CD164: variants seen among roughly 807,000 people sequenced by gnomAD.
CD164 encodes the protein sialomucin core protein 24.
CD164 carries 11 observed loss-of-function variants against 24.6 expected under a neutral mutation model. The ratio of observed to expected loss-of-function variants is 0.45; its 90% CI spans 0.28 to 0.74. The LOEUF is 0.74. Among genes scored for constraint, CD164 ranks in the 30% least tolerant of loss-of-function variants. The pLI is 0.13. For synonymous variants in CD164, 126 were observed against 100.3 expected (o/e 1.26, Z -1.53); for missense variants, 295 against 243.7 (o/e 1.21, Z -1.40).
intron 5 of CD164, 85 bp from the exon 6 acceptor site, chr6:109,369,102 GC>G: frequency 8.3e-7 from 1 of 1,198,346 alleles, no homozygotes; most frequent in South Asian, 1.4e-5. Context: ...CCTCTATTTT[GC>G]CATGTGTTAA....
At chr6:109,374,113 CT>C (rs1316606071) in intron 4 of CD164, among the ~76,000 whole-genome samples, 3 of 152,174 alleles carry the variant, frequency 2.0e-5, no homozygotes, top group Admixed American at 6.5e-5. Flanking sequence ...TTCCTCCCGT[CT>C]TCTTCCTAGC....
chr6:109,382,358 T>C lies in CD164; in HGVS notation c.21A>G (p.Ser7=). Residue 7 remains serine (S), a synonymous_variant, in exon 1 of 6, where the codon TCA becomes TCG. Coordinates refer to ENST00000310786, the MANE Select transcript of CD164 (RefSeq NM_006016.6). The part of the protein sequence containing the change: MSRLSR[S]LLWAATCLGV... ...CCAGGCAGGTGGCGGCCCAAAGCAG[T>C]GAGCGGGAGAGCCGCGACATCGTGT... 6.4e-7 allele frequency: 1 copy of C among 1,553,634 alleles called. No individual in the cohort carries two copies. The highest frequency in any genetic ancestry group is 8.7e-7 in the Non-Finnish European group (1 of 1,155,544).
chr6:109,375,107 T>A (rs1260205433), intron 4 of CD164, among the ~76,000 whole-genome samples: 1 of 152,230 alleles, frequency 6.6e-6, no homozygotes, highest in African/African-American at 2.4e-5. Flanking sequence ...GGTAAAAACT[T>A]TCCAGGTTGA....
Position 109,382,403 on chromosome 6 carries a change from G to A in CD164, c.-25C>T. 1 of 1,499,614 alleles carries A rather than the reference G, an allele frequency of 6.7e-7. No homozygotes were observed. 92.9% of individuals were successfully genotyped at this position (1,499,614 alleles called of 1,614,324 possible). On this transcript the variant is annotated 5_prime_UTR_variant, in exon 1 of 6. Coordinates refer to ENST00000310786, the MANE Select transcript of CD164 (RefSeq NM_006016.6). ...TCGTGTCCTCAGCGCTGGCGTTCGG[G>A]AGAAAGCTAAGGCTCGCAACGCTCA...
At chr6:109,381,597 CACTA>C (rs1478337432) in intron 1 of CD164, 2 of 702,502 alleles carry the variant, frequency 2.8e-6, no homozygotes, top group African/African-American at 1.7e-5. Flanking sequence ...GTGAAGTTTT[CACTA>C]ACTACGTGCT....
chr6:109,377,693 G>A (rs549243860), intron 3 of CD164, among the ~76,000 whole-genome samples: 1 of 149,402 alleles, frequency 6.7e-6, no homozygotes, highest in African/African-American at 2.5e-5. Flanking sequence ...CACACTTACA[G>A]CATCCACACT....
At chr6:109,373,163 A>G (rs535922792) in intron 4 of CD164, among the ~76,000 whole-genome samples, 5 of 152,308 alleles carry the variant, frequency 3.3e-5, no homozygotes, top group African/African-American at 1.2e-4. Context: ...ACTTCTTGCC[A>G]TTTTTCTAGG....
chr6:109,376,815 TTATC>T (rs1771436234), intron 3 of CD164, among the ~76,000 whole-genome samples: 15 of 152,224 alleles, frequency 9.9e-5, no homozygotes, highest in Admixed American at 9.8e-4. Flanking sequence ...AGTTATTAGT[TTATC>T]TAACACATAT....
In CD164 at chr6:109,381,287, AC is replaced by A. The variant is rs556947539; in HGVS notation, c.175+916del. ...TGTATGCCTTAACCAGCCCTATGCGACTGCACATAACAAAAGACACGCTCCT... is the reference window on the plus strand; with the variant it reads ...TGTATGCCTTAACCAGCCCTATGCGATGCACATAACAAAAGACACGCTCCT... On this transcript the variant is annotated intron_variant, in intron 1 of 5. Coordinates refer to ENST00000310786, the MANE Select transcript of CD164 (RefSeq NM_006016.6). 3.0e-3 allele frequency among the ~76,000 whole-genome samples: 464 copies of A among 152,290 alleles called. 2 individuals carry two copies. Among genetic ancestry groups the A allele is most frequent in the African/African-American group, 0.01 (436 of 41,556 alleles).
intron 4 of CD164, among the ~76,000 whole-genome samples, chr6:109,373,028 G>C (rs922752395): frequency 1.2e-4 from 18 of 151,360 alleles, no homozygotes; most frequent in African/African-American, 4.4e-4. Context: ...GAAAAAAAAA[G>C]ATTCATTAGG....
chr6:109,368,529 C>G lies in CD164; in HGVS notation c.*322G>C, dbSNP rs1770897412. The G allele has an allele frequency of 7.4e-7, 1 of 1,345,606 alleles. No homozygotes were observed. Among genetic ancestry groups the G allele is most frequent in the Non-Finnish European group, 9.5e-7 (1 of 1,054,414 alleles). The allele number at this position is 1,345,606 out of a possible 1,614,324, so 83.4% of individuals were successfully genotyped here. Reference sequence around the variant, plus strand: ...AAACTGCCAAGAGCCATGATGTTGTCTGCACAAGACAACATTTTCCATCAC... The same window carrying G: ...AAACTGCCAAGAGCCATGATGTTGTGTGCACAAGACAACATTTTCCATCAC... On this transcript the variant is annotated 3_prime_UTR_variant, in exon 6 of 6. Coordinates refer to ENST00000310786, the MANE Select transcript of CD164 (RefSeq NM_006016.6).
intron 1 of CD164, chr6:109,381,532 C>T (rs1562245206): frequency 2.8e-6 from 2 of 702,610 alleles, no homozygotes; most frequent in Non-Finnish European, 5.2e-6. Flanking sequence ...GATACGTACG[C>T]AAAACACCCG....
chr6:109,381,383 T>C (rs1003830774), intron 1 of CD164: 1 of 640,900 alleles, frequency 1.6e-6, no homozygotes, highest in African/African-American at 1.8e-5. Context: ...ACATACGCTA[T>C]CTGAGCACAG....
rs370187841 is a variant in CD164, at chr6:109,368,299, T to A, written c.*552A>T. The A allele has an allele frequency of 1.3e-6, 2 of 1,543,542 alleles. No homozygotes were observed. Among genetic ancestry groups the A allele is most frequent in the Admixed American group, 4.0e-5 (2 of 49,640 alleles). On this transcript the variant is annotated 3_prime_UTR_variant, in exon 6 of 6. Transcript: ENST00000310786. ...TCCTTTCATTTCTTTAAATCTGGAA[T>A]GTAGTTCCTTGTGTGGCATCTTATT... is the stretch of plus-strand genomic sequence containing the variant.
Position 109,377,445 on chromosome 6 carries a change from A to G in CD164, c.331+455T>C, listed in dbSNP as rs1771475069. Among the ~76,000 whole-genome samples the G allele has an allele frequency of 2.0e-5, 3 of 152,196 alleles. No individual in the cohort carries two copies. In the South Asian group the frequency reaches 6.2e-4, roughly 31 times the overall value. Reference sequence around the variant, plus strand: ...GACGAATAGTAAAGGTTAAAAATTAATCAAGTTACTCAGATTAAAATACAG... The same window carrying G: ...GACGAATAGTAAAGGTTAAAAATTAGTCAAGTTACTCAGATTAAAATACAG... On this transcript the variant is annotated intron_variant, in intron 3 of 5. Transcript: ENST00000310786.
At chr6:109,378,191 T>C (rs1771529379) in intron 2 of CD164, among the ~76,000 whole-genome samples, 1 of 152,214 alleles carries the variant, frequency 6.6e-6, no homozygotes, top group Non-Finnish European at 1.5e-5. Context: ...TTCTAACTTT[T>C]ATCCATTAAA....
rs1343728094 is a variant in CD164, at chr6:109,368,300, G to A, written c.*551C>T. On this transcript the variant is annotated 3_prime_UTR_variant, in exon 6 of 6. Coordinates refer to ENST00000310786, the MANE Select transcript of CD164 (RefSeq NM_006016.6). ...CCTTTCATTTCTTTAAATCTGGAAT[G>A]TAGTTCCTTGTGTGGCATCTTATTT... 15 of 1,542,868 alleles carry A rather than the reference G, an allele frequency of 9.7e-6. No homozygotes were observed. The highest frequency in any genetic ancestry group is 1.2e-5 in the Non-Finnish European group (14 of 1,143,146).
At chr6:109,378,628 C>T (rs985500876) in intron 2 of CD164, among the ~76,000 whole-genome samples, 2 of 152,086 alleles carry the variant, frequency 1.3e-5, no homozygotes, top group Non-Finnish European at 2.9e-5. Context: ...AAGGGGAGAA[C>T]CTTTCCCAAC....
At chr6:109,370,936 ACT>A (rs1298283750) in intron 4 of CD164, 1 of 160,838 alleles carries the variant, frequency 6.2e-6, no homozygotes, top group Non-Finnish European at 1.3e-5. Flanking sequence ...CAAATATTTT[ACT>A]CTTTGGGCAC....
Sources: gnomAD v4.1 joint callset for allele counts (sites outside exome capture counted in the v4.1 genomes callset) on GRCh38, gnomAD v4.1.1 for gene constraint, MANE v1.5 for transcripts, NCBI Gene and HGNC (gene_info 2026-07-23, HGNC 2026-07-21) for gene names.